The following FRMD4A variants were observed in gnomAD, a reference collection of about 807,000 sequenced individuals.
FRMD4A encodes the protein FERM domain containing 4A.
A neutral mutation model predicts 129.1 loss-of-function variants in FRMD4A; 29 were observed. The ratio of observed to expected loss-of-function variants is 0.22; its 90% CI spans 0.17 to 0.31. The LOEUF is 0.31. Among genes scored for constraint, FRMD4A ranks in the 10% least tolerant of loss-of-function variants. The pLI is 1.00. For missense variants in FRMD4A, 1,272 were observed against 1,375.8 expected, an observed-to-expected ratio of 0.92 and a Z score of 1.19; for synonymous variants, 634 against 571.6, an observed-to-expected ratio of 1.11 and a Z score of -1.56.
At chr10:13,964,870 G>T (rs1041675140) in intron 2 of FRMD4A, among the ~76,000 whole-genome samples, 1 of 151,976 alleles carries the variant, frequency 6.6e-6, no homozygotes, top group East Asian at 1.9e-4. Flanking sequence ...ATTTTTAGTA[G>T]AGATGGGGTT....
intron 2 of FRMD4A, among the ~76,000 whole-genome samples, chr10:13,955,393 C>T (rs566592204): frequency 6.6e-6 from 1 of 152,274 alleles, no homozygotes; most frequent in South Asian, 2.1e-4. Context: ...CAGGTGTTAG[C>T]CACTATGCTT....
chr10:14,195,894 G>A (rs1294994484), intron 2 of FRMD4A, among the ~76,000 whole-genome samples: 2 of 152,118 alleles, frequency 1.3e-5, no homozygotes, highest in African/African-American at 2.4e-5. Context: ...TACAAACTAC[G>A]AATCTAAGCC....
intron 5 of FRMD4A, among the ~76,000 whole-genome samples, chr10:13,787,388 G>A (rs1027172050): frequency 1.3e-5 from 2 of 152,206 alleles, no homozygotes; most frequent in African/African-American, 2.4e-5. Context: ...GGTGCACACC[G>A]GTGGCACCAG....
At chr10:13,826,549 C>A (rs565411779) in intron 3 of FRMD4A, among the ~76,000 whole-genome samples, 1 of 152,244 alleles carries the variant, frequency 6.6e-6, no homozygotes, top group East Asian at 1.9e-4. Flanking sequence ...GTGATACGCC[C>A]AGAGACATGG....
At chr10:14,303,884 C>T (rs1248795076) in intron 2 of FRMD4A, among the ~76,000 whole-genome samples, 3 of 152,072 alleles carry the variant, frequency 2.0e-5, no homozygotes, top group Non-Finnish European at 2.9e-5. Context: ...GAACCATATG[C>T]TATTTGTCCT....
At chr10:14,112,711 G>T (rs755509247) in intron 2 of FRMD4A, among the ~76,000 whole-genome samples, 1 of 152,050 alleles carries the variant, frequency 6.6e-6, no homozygotes, top group African/African-American at 2.4e-5. Flanking sequence ...GTTTTGGTAC[G>T]GACGGGGTTT....
chr10:13,890,737 T>C, intron 2 of FRMD4A: 1 of 985,244 alleles, frequency 1.0e-6, no homozygotes, highest in Non-Finnish European at 1.2e-6. Flanking sequence ...CATGGTGGGG[T>C]CAGGGAGTCC....
At chr10:13,704,700 T>C (rs1336938360) in intron 13 of FRMD4A, among the ~76,000 whole-genome samples, 2 of 152,138 alleles carry the variant, frequency 1.3e-5, no homozygotes, top group Admixed American at 1.3e-4. Context: ...TAGGTTCAAA[T>C]CCTGCCTCTC....
chr10:14,162,524 G>A (rs975305567), intron 2 of FRMD4A, among the ~76,000 whole-genome samples: 1 of 152,180 alleles, frequency 6.6e-6, no homozygotes, highest in African/African-American at 2.4e-5. Context: ...GGAACACGGG[G>A]TCTGATTGAA....
At chr10:14,040,034 AACTT>A (rs1327285982) in intron 2 of FRMD4A, among the ~76,000 whole-genome samples, 3 of 152,170 alleles carry the variant, frequency 2.0e-5, no homozygotes, top group Non-Finnish European at 4.4e-5. Context: ...TAGAAATATG[AACTT>A]ACTTAATCCT....
chr10:13,916,743 C>T (rs1182415642), intron 2 of FRMD4A, among the ~76,000 whole-genome samples: 4 of 152,244 alleles, frequency 2.6e-5, no homozygotes, highest in South Asian at 4.2e-4. Flanking sequence ...ATCATGCTGA[C>T]GTCAGCACCT....
intron 2 of FRMD4A, among the ~76,000 whole-genome samples, chr10:13,975,693 T>C (rs1273227680): frequency 2.6e-5 from 4 of 152,126 alleles, no homozygotes; most frequent in African/African-American, 9.7e-5. Flanking sequence ...ATTATCTCTG[T>C]GTGTGTCTGT....
intron 2 of FRMD4A, among the ~76,000 whole-genome samples, chr10:14,006,946 T>A (rs534288363): frequency 6.6e-6 from 1 of 152,222 alleles, no homozygotes; most frequent in East Asian, 1.9e-4. Flanking sequence ...GTTTTTTTCA[T>A]TATTCAAATG....
chr10:14,221,926 G>C (rs1363856515), intron 2 of FRMD4A, among the ~76,000 whole-genome samples: 1 of 152,120 alleles, frequency 6.6e-6, no homozygotes, highest in African/African-American at 2.4e-5. Context: ...TGAGGCCCCA[G>C]TTTGTTTTTC....
chr10:14,262,791 C>T (rs1844848867), intron 2 of FRMD4A, among the ~76,000 whole-genome samples: 1 of 152,190 alleles, frequency 6.6e-6, no homozygotes, highest in Non-Finnish European at 1.5e-5. Flanking sequence ...CCTCAGACCA[C>T]CATGCTGGTT....
At chr10:14,091,957 A>G (rs987148700) in intron 2 of FRMD4A, among the ~76,000 whole-genome samples, 1 of 152,184 alleles carries the variant, frequency 6.6e-6, no homozygotes, top group Non-Finnish European at 1.5e-5. Flanking sequence ...GGAAAATACA[A>G]CTGTCCACTA....
At chr10:14,296,488 T>A (rs1846013416) in intron 2 of FRMD4A, among the ~76,000 whole-genome samples, 1 of 152,108 alleles carries the variant, frequency 6.6e-6, no homozygotes, top group African/African-American at 2.4e-5. Flanking sequence ...GTGACTCGCC[T>A]CCAAACTGCC....
chr10:14,194,438 G>A (rs1003761729), intron 2 of FRMD4A, among the ~76,000 whole-genome samples: 4 of 152,110 alleles, frequency 2.6e-5, no homozygotes, highest in Admixed American at 1.3e-4. Context: ...GTGAAACCCC[G>A]TCTCTACTAA....
At chr10:13,738,082 G>A in intron 11 of FRMD4A, 152 bp from the exon 12 acceptor site, 2 of 622,820 alleles carry the variant, frequency 3.2e-6, no homozygotes, top group Non-Finnish European at 5.7e-6. Flanking sequence ...CTTAACAGAT[G>A]CGTCTGTCAT....
Sources: allele counts gnomAD v4.1 joint callset (sites outside exome capture counted in the v4.1 genomes callset), GRCh38; gene constraint gnomAD v4.1.1; transcripts MANE v1.5; gene names NCBI Gene and HGNC (gene_info 2026-07-23, HGNC 2026-07-21).